The following ELK3 variants were observed in gnomAD, a reference collection of about 807,000 sequenced individuals.
The protein encoded by ELK3 is ETS transcription factor ELK3.
Under a neutral mutation model 28.9 loss-of-function variants are expected in ELK3, and 10 were observed. The observed-to-expected ratio is 0.35, with a 90% CI of 0.21 to 0.59. The LOEUF (loss-of-function observed/expected upper bound fraction) is 0.59. Among genes scored for constraint, ELK3 ranks in the 20% least tolerant of loss-of-function variants. ELK3 has a pLI of 0.82. For missense variants in ELK3, 463 were observed against 517.3 expected (o/e 0.90, Z 1.02); for synonymous variants, 272 against 243.5 (o/e 1.12, Z -1.09).
rs1384363136 is a variant in ELK3 at position 96,268,110 on chromosome 12, G to C, written c.*930G>C. Reference sequence around the variant, plus strand: ...GTATAAGTAAGTTGGGGTTCCCCTGGAACTATAATTAACATTTAAAAAATC... The same window carrying C: ...GTATAAGTAAGTTGGGGTTCCCCTGCAACTATAATTAACATTTAAAAAATC... On this transcript the variant is annotated 3_prime_UTR_variant, in exon 5 of 5. Coordinates refer to ENST00000228741, the MANE Select transcript of ELK3 (RefSeq NM_005230.4). 1 of 152,192 alleles carries C rather than the reference G, an allele frequency of 6.6e-6. No individual in the cohort carries two copies. Among genetic ancestry groups the C allele is most frequent in the Non-Finnish European group, 1.5e-5 (1 of 68,036 alleles). The allele number at this position is 152,192 out of a possible 1,614,324, so 9.4% of individuals were successfully genotyped here.
rs544101729 is a variant in ELK3, at chr12:96,269,278, T to A, written c.*2098T>A. On this transcript the variant is annotated 3_prime_UTR_variant, in exon 5 of 5. Transcript: ENST00000228741. Reference sequence around the variant, plus strand: ...CTGTGTTGTCAGATAAGAGAACACATCCAAAATGCATGATTCTTACAAACT... The same window carrying A: ...CTGTGTTGTCAGATAAGAGAACACAACCAAAATGCATGATTCTTACAAACT... 1 of 152,298 alleles carries A rather than the reference T, an allele frequency of 6.6e-6. No homozygotes were observed. The highest frequency in any genetic ancestry group is 2.4e-5 in the African/African-American group (1 of 41,572). 9.4% of individuals were successfully genotyped at this position (152,298 alleles called of 1,614,324 possible). A position where few individuals can be genotyped will look rare whatever the true frequency, so the allele number is the denominator to read the frequency against.
intron 1 of ELK3, among the ~76,000 whole-genome samples, chr12:96,220,003 G>A (rs1406805330): frequency 4.6e-5 from 7 of 152,098 alleles, no homozygotes; most frequent in Admixed American, 1.3e-4. Flanking sequence ...GCAGTGTTGC[G>A]CATAGCAACC....
intron 1 of ELK3, among the ~76,000 whole-genome samples, chr12:96,220,323 C>T (rs1244123878): frequency 6.6e-6 from 1 of 151,566 alleles, no homozygotes; most frequent in Non-Finnish European, 1.5e-5. Flanking sequence ...CCATGTGTGG[C>T]CTCTGAGTAA....
Position 96,268,620 on chromosome 12 carries a change from T to TA in ELK3, c.*1442dup, listed in dbSNP as rs1952060594. ...CAAGATTAATTACAATCCTTAACTA[T>TA]AAGTGATGATAAAAACTAACTTGAA... On this transcript the variant is annotated 3_prime_UTR_variant, in exon 5 of 5. Coordinates refer to ENST00000228741, the MANE Select transcript of ELK3 (RefSeq NM_005230.4). 1 of 152,184 alleles carries TA rather than the reference T, an allele frequency of 6.6e-6. No individual in the cohort carries two copies. The highest frequency in any genetic ancestry group is 2.1e-4 in the South Asian group (1 of 4,826). 9.4% of individuals were successfully genotyped at this position (152,184 alleles called of 1,614,324 possible). A position where few individuals can be genotyped will look rare whatever the true frequency, so the allele number is the denominator to read the frequency against.
chr12:96,267,247 C>A lies in ELK3; in HGVS notation c.*67C>A. On this transcript the variant is annotated 3_prime_UTR_variant, in exon 5 of 5. Transcript: ENST00000228741. The stretch of plus-strand genomic sequence containing the variant: ...AAATTTGTCCCCACGGGCTAGTTTA[C>A]CTGTGTCGTGAGAAGGACATTGTGA... 2 of 1,392,942 alleles carry A rather than the reference C, an allele frequency of 1.4e-6. No homozygotes were observed. The highest frequency in any genetic ancestry group is 9.9e-7 in the Non-Finnish European group (1 of 1,009,896). 86.3% of individuals were successfully genotyped at this position (1,392,942 alleles called of 1,614,324 possible).
intron 3 of ELK3, among the ~76,000 whole-genome samples, chr12:96,257,401 A>G (rs1951958830): frequency 6.6e-6 from 1 of 152,268 alleles, no homozygotes; most frequent in Non-Finnish European, 1.5e-5. Flanking sequence ...AGAAGGCTAC[A>G]GTAGTCTGAG....
At chr12:96,202,999 C>G (rs1479689444) in intron 1 of ELK3, among the ~76,000 whole-genome samples, 1 of 152,214 alleles carries the variant, frequency 6.6e-6, no homozygotes, top group African/African-American at 2.4e-5. Context: ...TCTTCTGCCT[C>G]AGCCTCCCAA....
intron 2 of ELK3, among the ~76,000 whole-genome samples, chr12:96,241,499 ATAGG>A (rs1347958906): frequency 1.3e-5 from 2 of 151,484 alleles, no homozygotes; most frequent in Admixed American, 6.6e-5. Flanking sequence ...ACCTTTTCTT[ATAGG>A]TAGGTATGCC....
intron 2 of ELK3, among the ~76,000 whole-genome samples, chr12:96,238,267 G>A (rs1316617516): frequency 6.6e-6 from 1 of 152,252 alleles, no homozygotes; most frequent in Admixed American, 6.5e-5. Flanking sequence ...GGCACTGACT[G>A]CGTTGAGTCT....
At chr12:96,226,555 T>A (rs1284519795) in intron 2 of ELK3, among the ~76,000 whole-genome samples, 1 of 149,572 alleles carries the variant, frequency 6.7e-6, no homozygotes, top group African/African-American at 2.5e-5. Flanking sequence ...TGTCCACATG[T>A]GCACACCCAT....
At chr12:96,243,161 T>G (rs1951832898) in intron 2 of ELK3, among the ~76,000 whole-genome samples, 1 of 152,194 alleles carries the variant, frequency 6.6e-6, no homozygotes, top group South Asian at 2.1e-4. Flanking sequence ...AAAACCAGCT[T>G]CATTAAGATA....
intron 1 of ELK3, among the ~76,000 whole-genome samples, chr12:96,206,439 C>A (rs970663078): frequency 3.9e-5 from 6 of 152,076 alleles, no homozygotes; most frequent in Non-Finnish European, 8.8e-5. Flanking sequence ...GCCTCAGCCT[C>A]CCAAGCAGCT....
Position 96,267,416 on chromosome 12 carries a change from TC to T in ELK3, c.*238del. On this transcript the variant is annotated 3_prime_UTR_variant, in exon 5 of 5. Transcript: ENST00000228741. ...GAATTTTAATGTTTTTGTTTTTATA[TC>T]CTTTTAGCTCTTAAGTGTTGAACAC... 4 of 389,674 alleles carry T rather than the reference TC, an allele frequency of 1.0e-5. No individual in the cohort carries two copies. The South Asian group carries it at 1.1e-4, about 11-fold the overall frequency. 24.1% of individuals were successfully genotyped at this position (389,674 alleles called of 1,614,324 possible). A position where few individuals can be genotyped will look rare whatever the true frequency, so the allele number is the denominator to read the frequency against.
At chr12:96,206,758 C>T (rs527304864) in intron 1 of ELK3, among the ~76,000 whole-genome samples, 4 of 152,132 alleles carry the variant, frequency 2.6e-5, no homozygotes, top group African/African-American at 9.7e-5. Context: ...GGCAGATGCC[C>T]ATGTGGGAAT....
Position 96,246,985 on chromosome 12 carries a change from G to A in ELK3, c.253G>A (p.Val85Ile). Residue 85 changes from valine (V) to isoleucine (I), a missense_variant, in exon 3 of 5, where the codon GTC (valine) becomes ATC (isoleucine). By Grantham distance (29) the Val-to-Ile change is conservative. This residue lies in a region of ELK3 where 55 missense variants were observed against 102.5 expected (regional missense o/e 0.54). Transcript: ENST00000228741. ...CGGGCAGAAGTTTGTGTACAAGTTT[G>A]TCTCTTTCCCGGAGATCCTGAAGAT... The part of the protein sequence containing the change: ...VIGQKFVYKF[V>I]SFPEILKMDP... 1.9e-6 allele frequency: 3 copies of A among 1,612,138 alleles called. No individual in the cohort carries two copies. The highest frequency in any genetic ancestry group is 2.2e-5 in the East Asian group (1 of 44,848).
intron 1 of ELK3, among the ~76,000 whole-genome samples, chr12:96,218,946 C>T (rs1370161541): frequency 2.0e-5 from 3 of 152,082 alleles, no homozygotes; most frequent in African/African-American, 7.3e-5. Context: ...CCGCGCCCGG[C>T]CAAGATAAGC....
At chr12:96,212,245 C>T (rs535161314) in intron 1 of ELK3, among the ~76,000 whole-genome samples, 5 of 152,256 alleles carry the variant, frequency 3.3e-5, no homozygotes, top group East Asian at 3.9e-4. Context: ...ATGAGAACTG[C>T]GGGACGTGCT....
At chr12:96,210,453 T>A (rs552658665) in intron 1 of ELK3, among the ~76,000 whole-genome samples, 1 of 152,274 alleles carries the variant, frequency 6.6e-6, no homozygotes, top group South Asian at 2.1e-4. Flanking sequence ...TTCTCATGAT[T>A]CGTTTCGTGA....
intron 2 of ELK3, among the ~76,000 whole-genome samples, chr12:96,243,575 C>T (rs553310157): frequency 2.0e-5 from 3 of 151,528 alleles, no homozygotes; most frequent in Non-Finnish European, 2.9e-5. Flanking sequence ...TTAGGCAGGG[C>T]GTGGTGGCTC....
Sources: allele counts gnomAD v4.1 joint callset (sites outside exome capture counted in the v4.1 genomes callset), GRCh38; gene constraint gnomAD v4.1.1; regional missense constraint gnomAD v4.1.1; transcripts MANE v1.5; gene names NCBI Gene and HGNC (gene_info 2026-07-23, HGNC 2026-07-21).